The following ANGPTL1 variants were observed in gnomAD, a reference collection of about 807,000 sequenced individuals.
The protein encoded by ANGPTL1 is angiopoietin like 1, also known as angiopoietin-related protein 1.
A neutral mutation model predicts 46.7 loss-of-function variants in ANGPTL1; 36 were observed. That is an observed-to-expected ratio of 0.77 (90% CI 0.59 to 1.02). ANGPTL1 has a LOEUF of 1.02. ANGPTL1 is among the 50% of genes least tolerant of loss of function. The pLI is 0.00. For synonymous variants in ANGPTL1, 221 were observed against 204.3 expected (o/e 1.08, Z -0.69); for missense variants, 571 against 594.7 (o/e 0.96, Z 0.41).
chr1:178,857,706 G>T (rs994873994), intron 3 of ANGPTL1, among the ~76,000 whole-genome samples: 1 of 151,890 alleles, frequency 6.6e-6, no homozygotes, highest in Non-Finnish European at 1.5e-5. Flanking sequence ...TATCATTTTC[G>T]TAAATGTTTA....
intron 3 of ANGPTL1, among the ~76,000 whole-genome samples, chr1:178,862,602 TTTA>T (rs1423697181): frequency 1.5e-5 from 2 of 137,104 alleles, no homozygotes; most frequent in Non-Finnish European, 1.5e-5. Context: ...TTTTTATTTA[TTTA>T]TTTATTTATT....
chr1:178,864,319 A>G (rs1658236695), intron 3 of ANGPTL1, among the ~76,000 whole-genome samples: 1 of 152,130 alleles, frequency 6.6e-6, no homozygotes, highest in Non-Finnish European at 1.5e-5. Context: ...CTTAGGATAC[A>G]CAGTACTAAT....
chr1:178,860,267 G>A (rs1042645589), intron 3 of ANGPTL1, among the ~76,000 whole-genome samples: 4 of 150,518 alleles, frequency 2.7e-5, no homozygotes, highest in African/African-American at 9.7e-5. Context: ...CAGCTTGTCA[G>A]GTGTATTATT....
intron 3 of ANGPTL1, among the ~76,000 whole-genome samples, chr1:178,855,091 C>G (rs1657439698): frequency 6.6e-6 from 1 of 151,988 alleles, no homozygotes; most frequent in African/African-American, 2.4e-5. Flanking sequence ...AAGTTCTTAA[C>G]AAGAATTTCT....
intron 5 of ANGPTL1, among the ~76,000 whole-genome samples, chr1:178,851,713 A>G (rs1164547775): frequency 1.3e-5 from 2 of 152,198 alleles, no homozygotes; most frequent in South Asian, 2.1e-4. Flanking sequence ...TACAAAGTAA[A>G]ATAAAACCAG....
chr1:178,870,300 A>G (rs554724437), intron 1 of ANGPTL1, among the ~76,000 whole-genome samples: 3 of 152,298 alleles, frequency 2.0e-5, no homozygotes, highest in African/African-American at 4.8e-5. Flanking sequence ...GAGAAATCCA[A>G]CAGTTTATGT....
chr1:178,852,643 G>A (rs765234857), intron 5 of ANGPTL1, 40 bp downstream of exon 5: 3 of 1,577,478 alleles, frequency 1.9e-6, no homozygotes, highest in Non-Finnish European at 2.6e-6. Context: ...ATGCATAGAA[G>A]GTGATGATTC....
chr1:178,849,574 T>G lies in ANGPTL1; in HGVS notation c.*1555A>C, dbSNP rs1206939164. Reference sequence around the variant, plus strand: ...TGGTAAAGTTTTATTCACTTAAGATTTGGTGTAACAGTTAGATGCCCAGTT... The same window carrying G: ...TGGTAAAGTTTTATTCACTTAAGATGTGGTGTAACAGTTAGATGCCCAGTT... On this transcript the variant is annotated 3_prime_UTR_variant, in exon 6 of 6. Transcript: ENST00000234816. 1 of 152,228 alleles carries G rather than the reference T, an allele frequency of 6.6e-6. No homozygotes were observed. The highest frequency in any genetic ancestry group is 1.5e-5 in the Non-Finnish European group (1 of 68,038). 9.4% of individuals were successfully genotyped at this position (152,228 alleles called of 1,614,324 possible). A position where few individuals can be genotyped will look rare whatever the true frequency, so the allele number is the denominator to read the frequency against.
intron 3 of ANGPTL1, among the ~76,000 whole-genome samples, chr1:178,858,406 G>T (rs1161273142): frequency 6.6e-6 from 1 of 152,052 alleles, no homozygotes; most frequent in East Asian, 1.9e-4. Context: ...CTTTATTCTT[G>T]AGAAGCCAGA....
At position 178,851,013 on chromosome 1, in the gene ANGPTL1, T is replaced by G. The variant is rs1657137165; in HGVS notation, c.*116A>C. 2 of 1,011,370 alleles carry G rather than the reference T, an allele frequency of 2.0e-6. No homozygotes were observed. Among genetic ancestry groups the G allele is most frequent in the African/African-American group, 3.3e-5 (2 of 60,348 alleles). 62.6% of individuals were successfully genotyped at this position (1,011,370 alleles called of 1,614,324 possible). A position where few individuals can be genotyped will look rare whatever the true frequency, so the allele number is the denominator to read the frequency against. On this transcript the variant is annotated 3_prime_UTR_variant, in exon 6 of 6. Transcript: ENST00000234816. Reference sequence around the variant, plus strand: ...TTTTATAGTTACGGTAAAATTCATTTTAAAAACTTTCTGTGTAGAAATAAA... The same window carrying G: ...TTTTATAGTTACGGTAAAATTCATTGTAAAAACTTTCTGTGTAGAAATAAA...
rs76863440 is a variant in ANGPTL1 at position 178,856,447 on chromosome 1, A to G, written c.824-2660T>C. Among the ~76,000 whole-genome samples, 102 of 101,330 alleles carry G rather than the reference A, an allele frequency of 1.0e-3. 2 individuals carry two copies. The East Asian group carries it at 0.026, about 26-fold the overall frequency. The allele number at this position is 101,330 out of a possible 152,430, so 66.5% of individuals were successfully genotyped here. On this transcript the variant is annotated intron_variant, in intron 3 of 5. Transcript: ENST00000234816. Reference sequence around the variant, plus strand: ...TTTTTGAGAGATGAGGTCTTGGTACATTGCCCAGGGTGGTCTTGAACTCCA... The same window carrying G: ...TTTTTGAGAGATGAGGTCTTGGTACGTTGCCCAGGGTGGTCTTGAACTCCA...
At chr1:178,855,051 A>G (rs1317005670) in intron 3 of ANGPTL1, among the ~76,000 whole-genome samples, 1 of 152,166 alleles carries the variant, frequency 6.6e-6, no homozygotes, top group Admixed American at 6.5e-5. Context: ...TTTATATTTT[A>G]CTAGAAATAT....
intron 3 of ANGPTL1, among the ~76,000 whole-genome samples, chr1:178,856,200 G>GATATATATATATAT (rs1348083361): frequency 1.2e-4 from 5 of 40,924 alleles, no homozygotes; most frequent in African/African-American, 4.7e-4. Flanking sequence ...CAGAGAGAGA[G>GATATATATATATAT]AGATATATAT....
intron 3 of ANGPTL1, among the ~76,000 whole-genome samples, chr1:178,858,860 T>TTTACAAAGAGAATTACAGA (rs1391639673): frequency 6.6e-6 from 1 of 152,160 alleles, no homozygotes; most frequent in South Asian, 2.1e-4. Flanking sequence ...AAAAAGAGCT[T>TTTACAAAGAGAATTACAGA]TTACAAAGAG....
chr1:178,867,152 A>C (rs1387966120), intron 2 of ANGPTL1, among the ~76,000 whole-genome samples: 1 of 152,120 alleles, frequency 6.6e-6, no homozygotes, highest in Non-Finnish European at 1.5e-5. Flanking sequence ...CCTGTTGTTA[A>C]TAACAACACA....
chr1:178,852,836 C>CT lies in ANGPTL1; in HGVS notation c.1134dup (p.Val379SerfsTer13), dbSNP rs775978569. On this transcript the variant is annotated frameshift_variant, in exon 5 of 6. Transcript: ENST00000234816. LOFTEE classifies it high-confidence loss of function. ...CGAAAGCTGCTGTATTCTGCATAGA[C>CT]TTTTTTATCACTCCAGTCTTCTAAT... 3 of 1,613,908 alleles carry CT rather than the reference C, an allele frequency of 1.9e-6. No individual in the cohort carries two copies. Among genetic ancestry groups the CT allele is most frequent in the South Asian group, 1.1e-5 (1 of 91,076 alleles).
At chr1:178,859,729 C>T (rs1211478190) in intron 3 of ANGPTL1, among the ~76,000 whole-genome samples, 4 of 121,866 alleles carry the variant, frequency 3.3e-5, no homozygotes, top group Admixed American at 8.6e-5. Flanking sequence ...GACGGAGTCT[C>T]GCTCTGTCGC....
chr1:178,870,230 G>C (rs1183346041), intron 1 of ANGPTL1, among the ~76,000 whole-genome samples: 3 of 152,104 alleles, frequency 2.0e-5, no homozygotes, highest in Admixed American at 6.6e-5. Flanking sequence ...CTGTAATTGA[G>C]ATTTTGTTGC....
At chr1:178,860,002 A>C (rs1436099963) in intron 3 of ANGPTL1, among the ~76,000 whole-genome samples, 2 of 151,802 alleles carry the variant, frequency 1.3e-5, no homozygotes, top group Non-Finnish European at 2.9e-5. Flanking sequence ...GTACCCCCTC[A>C]TTTAATCATC....
Sources: gnomAD v4.1 joint callset for allele counts (sites outside exome capture counted in the v4.1 genomes callset) on GRCh38, gnomAD v4.1.1 for gene constraint, MANE v1.5 for transcripts, NCBI Gene and HGNC (gene_info 2026-07-23, HGNC 2026-07-21) for gene names.